SPECC1: variants seen among roughly 807,000 people sequenced by gnomAD.
SPECC1 encodes the protein cytospin-B.
SPECC1 carries 62 observed loss-of-function variants against 104.1 expected under a neutral mutation model. That is an observed-to-expected ratio of 0.60 (90% confidence interval 0.49 to 0.74). SPECC1 has a LOEUF of 0.74. SPECC1 is among the 30% of genes least tolerant of loss of function. SPECC1 has a pLI of 0.00. For missense variants in SPECC1, 1,306 were observed against 1,310.5 expected, an observed-to-expected ratio of 1.00 and a Z score of 0.05; for synonymous variants, 513 against 501.6, an observed-to-expected ratio of 1.02 and a Z score of -0.30.
At chr17:20,094,246 C>T (rs9894570) in intron 1 of SPECC1, among the ~76,000 whole-genome samples, 3,949 of 152,078 alleles carry the variant, frequency 0.026, 175 homozygotes, top group African/African-American at 0.089. Flanking sequence ...TCAGAGGGTC[C>T]AAGAGAAAGG....
chr17:20,147,105 C>T (rs1188251660), intron 3 of SPECC1, among the ~76,000 whole-genome samples: 2 of 128,836 alleles, frequency 1.6e-5, no homozygotes, highest in South Asian at 2.4e-4. Flanking sequence ...TTTTTTGAGA[C>T]GGAGTTTCGC....
At chr17:20,136,013 A>AG (rs900072943) in intron 3 of SPECC1, among the ~76,000 whole-genome samples, 1 of 152,156 alleles carries the variant, frequency 6.6e-6, no homozygotes, top group Non-Finnish European at 1.5e-5. Context: ...AAAATCACTG[A>AG]GAAGAAGCCA....
rs115527427 is a variant in SPECC1, at chr17:20,157,854, G to T, written c.284-46479G>T. ...GGATTTAGGGCATTTTTAAGAGATG[G>T]TGTCTCACTATGTTGCCCAGACTGG... is the stretch of plus-strand genomic sequence containing the variant. On this transcript the variant is annotated intron_variant, in intron 3 of 14. Transcript: ENST00000395527. Among the ~76,000 whole-genome samples the T allele has an allele frequency of 7.6e-3, 1,156 of 152,290 alleles. 17 individuals are homozygous for T. Among genetic ancestry groups the T allele is most frequent in the African/African-American group, 0.026 (1,100 of 41,540 alleles).
At chr17:20,078,943 A>G (rs2046866259) in intron 1 of SPECC1, among the ~76,000 whole-genome samples, 1 of 152,218 alleles carries the variant, frequency 6.6e-6, no homozygotes, top group Non-Finnish European at 1.5e-5. Flanking sequence ...TGTATAAAGT[A>G]AATAAACAGG....
chr17:20,278,997 A>G (rs1402350177), intron 12 of SPECC1, among the ~76,000 whole-genome samples: 1 of 152,160 alleles, frequency 6.6e-6, no homozygotes, highest in African/African-American at 2.4e-5. Context: ...TCCATGGGTC[A>G]AGTATGCCAG....
chr17:20,232,118 C>T (rs2038620014), intron 6 of SPECC1, 82 bp from the exon 7 acceptor site: 3 of 1,520,790 alleles, frequency 2.0e-6, no homozygotes, highest in Admixed American at 3.6e-5. Context: ...TTCTTGGTGA[C>T]CAACACGGGG....
At position 20,096,682 on chromosome 17, in the gene SPECC1, G is replaced by A. The variant is rs1418914305; in HGVS notation, c.31G>A (p.Ala11Thr). 1 of 1,613,920 alleles carries A rather than the reference G, an allele frequency of 6.2e-7. No homozygotes were observed. Among genetic ancestry groups the A allele is most frequent in the Non-Finnish European group, 8.5e-7 (1 of 1,179,930 alleles). The change falls in exon 2 of 15, where the codon GCC becomes ACC. Residue 11 changes from alanine (A) to threonine (T), a missense_variant. Coordinates refer to ENST00000395527, the MANE Select transcript of SPECC1 (RefSeq NM_001243439.2). Reference protein sequence around the residue: MRSAAKPWNPAIRAGGHGPDR... With the variant: MRSAAKPWNPTIRAGGHGPDR... ...GAGTGCAGCCAAGCCCTGGAACCCA[G>A]CCATCAGAGCAGGGGGCCACGGCCC...
At position 20,153,220 on chromosome 17, in the gene SPECC1, C is replaced by T. The variant is rs115723069; in HGVS notation, c.283+42658C>T. 7.4e-3 allele frequency among the ~76,000 whole-genome samples: 1,122 copies of T among 152,218 alleles called. 16 individuals carry two copies. Among genetic ancestry groups the T allele is most frequent in the African/African-American group, 0.025 (1,050 of 41,512 alleles). ...GATATGAAAGCATAGAGGCCTGAAA[C>T]AATAGGGTGTGTTCAGGGAGCTACA... On this transcript the variant is annotated intron_variant, in intron 3 of 14. Coordinates refer to ENST00000395527, the MANE Select transcript of SPECC1 (RefSeq NM_001243439.2).
intron 1 of SPECC1, among the ~76,000 whole-genome samples, chr17:20,034,602 TTCC>T (rs2044979991): frequency 7.8e-6 from 1 of 127,726 alleles, no homozygotes; most frequent in African/African-American, 3.0e-5. Flanking sequence ...TTTTCTATTT[TTCC>T]TTTTTTTTTT....
At chr17:20,295,131 A>G (rs1421932643) in intron 12 of SPECC1, among the ~76,000 whole-genome samples, 5 of 150,554 alleles carry the variant, frequency 3.3e-5, no homozygotes, top group African/African-American at 1.2e-4. Context: ...TTAACTCATC[A>G]TTTACATTAG....
intron 1 of SPECC1, among the ~76,000 whole-genome samples, chr17:20,083,257 C>T (rs2047052791): frequency 6.6e-6 from 1 of 152,196 alleles, no homozygotes; most frequent in South Asian, 2.1e-4. Context: ...ATTTGCCTTT[C>T]CTTTTAAATG....
chr17:20,298,338 A>C (rs963029817), intron 13 of SPECC1, among the ~76,000 whole-genome samples: 1 of 152,222 alleles, frequency 6.6e-6, no homozygotes, highest in Non-Finnish European at 1.5e-5. Flanking sequence ...CTCAAAAAAA[A>C]AAAGAAAAAC....
chr17:20,047,073 A>G (rs2045568517), intron 1 of SPECC1, among the ~76,000 whole-genome samples: 1 of 152,224 alleles, frequency 6.6e-6, no homozygotes. Flanking sequence ...GTTCCCATTA[A>G]TGAGCACATT....
At chr17:20,236,975 A>G (rs762014006) in intron 7 of SPECC1, 88 of 1,595,496 alleles carry the variant, frequency 5.5e-5, no homozygotes, top group Non-Finnish European at 7.3e-5. Flanking sequence ...TAGAGGAGAA[A>G]TTGCCTCTTT....
intron 5 of SPECC1, among the ~76,000 whole-genome samples, chr17:20,228,490 C>T (rs1279125631): frequency 6.6e-6 from 1 of 152,160 alleles, no homozygotes; most frequent in Non-Finnish European, 1.5e-5. Flanking sequence ...GGGACCCTTC[C>T]TAAGGATATT....
chr17:20,053,263 C>T (rs1438448180), intron 1 of SPECC1, among the ~76,000 whole-genome samples: 1 of 152,162 alleles, frequency 6.6e-6, no homozygotes, highest in East Asian at 1.9e-4. Context: ...CTTTCAATTC[C>T]TCCTTAATTC....
At chr17:20,019,119 A>G (rs2044266555) in intron 1 of SPECC1, among the ~76,000 whole-genome samples, 1 of 152,206 alleles carries the variant, frequency 6.6e-6, no homozygotes, top group African/African-American at 2.4e-5. Flanking sequence ...GCTCATGTCT[A>G]TAATCCCAAC....
intron 1 of SPECC1, among the ~76,000 whole-genome samples, chr17:20,061,026 A>T (rs2046166504): frequency 1.3e-5 from 2 of 152,312 alleles, no homozygotes; most frequent in South Asian, 4.1e-4. Context: ...TAATACCTTT[A>T]ACATTTCAAA....
In SPECC1 at chr17:20,317,259, A is replaced by ATTTTTTTTTTTTTT. The variant is rs762643888; in HGVS notation, c.*3202_*3215dup. The ATTTTTTTTTTTTTT allele has an allele frequency of 4.5e-3, 312 of 69,666 alleles. 49 individuals carry two copies. Among genetic ancestry groups the ATTTTTTTTTTTTTT allele is most frequent in the East Asian group, 0.02 (25 of 1,264 alleles). The allele number at this position is 69,666 out of a possible 1,614,324, so 4.3% of individuals were successfully genotyped here. A position where few individuals can be genotyped will look rare whatever the true frequency, so the allele number is the denominator to read the frequency against. ...GCAAGACCTCTGACTCTATAAAAAAATTTTTTTTTTTTTTTTTTTTTGAGA... is the reference window on the plus strand; with the variant it reads ...GCAAGACCTCTGACTCTATAAAAAAATTTTTTTTTTTTTTTTTTTTTTTTTTTTTTTTTTTGAGA... On this transcript the variant is annotated 3_prime_UTR_variant, in exon 15 of 15. Coordinates refer to ENST00000395527, the MANE Select transcript of SPECC1 (RefSeq NM_001243439.2).
Sources: gnomAD v4.1 joint callset for allele counts (sites outside exome capture counted in the v4.1 genomes callset) on GRCh38, gnomAD v4.1.1 for gene constraint, MANE v1.5 for transcripts, NCBI Gene and HGNC (gene_info 2026-07-23, HGNC 2026-07-21) for gene names.